The following SUPT3H variants were observed in gnomAD, a reference collection of about 807,000 sequenced individuals.
The protein encoded by SUPT3H is SPT3 homolog, SAGA and STAGA complex component, also known as transcription initiation protein SPT3 homolog.
SUPT3H carries 44 observed loss-of-function variants against 44.3 expected under a neutral mutation model. The observed-to-expected ratio is 0.99, with a 90% CI of 0.78 to 1.28. The LOEUF is 1.28. Ranked by LOEUF, SUPT3H falls within the 50% of genes most tolerant of loss-of-function variation. The probability of loss-of-function intolerance (pLI) is 0.00; values close to 1 mark genes in which losing one functional copy is unlikely to be tolerated. For missense variants in SUPT3H, 380 were observed against 387.1 expected (o/e 0.98, Z 0.15); for synonymous variants, 124 against 125.6 (o/e 0.99, Z 0.09).
At chr6:45,145,634 A>G (rs1805926881) in intron 2 of SUPT3H, among the ~76,000 whole-genome samples, 1 of 152,000 alleles carries the variant, frequency 6.6e-6, no homozygotes, top group Non-Finnish European at 1.5e-5. Context: ...CAAAAACCCA[A>G]AAGCAAATGC....
intron 5 of SUPT3H, among the ~76,000 whole-genome samples, chr6:45,010,638 G>A (rs796495384): frequency 3.3e-5 from 5 of 152,254 alleles, no homozygotes; most frequent in African/African-American, 1.2e-4. Context: ...GCTTACAGAT[G>A]ACATGATCTT....
At chr6:44,987,608 A>T (rs80045222) in intron 6 of SUPT3H, among the ~76,000 whole-genome samples, 159 of 152,284 alleles carry the variant, frequency 1.0e-3, no homozygotes, top group Admixed American at 1.7e-3. Flanking sequence ...GGTTCTAAAG[A>T]GAATGGAAGG....
At chr6:45,055,846 C>T (rs1791030885) in intron 3 of SUPT3H, among the ~76,000 whole-genome samples, 1 of 152,082 alleles carries the variant, frequency 6.6e-6, no homozygotes, top group African/African-American at 2.4e-5. Context: ...AGCCAAAAAG[C>T]TTCTGCACAG....
intron 2 of SUPT3H, among the ~76,000 whole-genome samples, chr6:45,116,700 G>C (rs1357701654): frequency 1.3e-5 from 2 of 152,132 alleles, no homozygotes; most frequent in Non-Finnish European, 2.9e-5. Context: ...TTGCTAAACA[G>C]CATCTGTTTT....
intron 2 of SUPT3H, among the ~76,000 whole-genome samples, chr6:45,123,418 G>A (rs763981054): frequency 1.3e-5 from 2 of 148,468 alleles, no homozygotes; most frequent in Non-Finnish European, 3.0e-5. Context: ...TTGTCACCCA[G>A]ACTGGAGTGC....
chr6:44,818,437 G>A (rs1767054328), intron 11 of SUPT3H, among the ~76,000 whole-genome samples: 1 of 151,988 alleles, frequency 6.6e-6, no homozygotes, highest in African/African-American at 2.4e-5. Context: ...AAGACATACA[G>A]TATAAGCCAT....
chr6:45,097,185 T>G (rs1797905698), intron 3 of SUPT3H, among the ~76,000 whole-genome samples: 1 of 152,222 alleles, frequency 6.6e-6, no homozygotes, highest in African/African-American at 2.4e-5. Context: ...GGTAGGGATC[T>G]CAGAGCCCCA....
intron 2 of SUPT3H, among the ~76,000 whole-genome samples, chr6:45,108,992 T>C (rs1346402213): frequency 6.6e-6 from 1 of 152,058 alleles, no homozygotes; most frequent in African/African-American, 2.4e-5. Context: ...AAGATCAATC[T>C]ACAAAAAATC....
Position 44,922,817 on chromosome 6 carries a change from C to A in SUPT3H, c.912+9836G>T, listed in dbSNP as rs572736959. ...TCATAGACTTTAAAGAAGTTTCTTGCCATTTTTACAGCACAATTTTAAAAT... is the reference window on the plus strand; with the variant it reads ...TCATAGACTTTAAAGAAGTTTCTTGACATTTTTACAGCACAATTTTAAAAT... On this transcript the variant is annotated intron_variant, in intron 10 of 10. Coordinates refer to ENST00000371459, the MANE Select transcript of SUPT3H (RefSeq NM_003599.4). Among the ~76,000 whole-genome samples, 9 of 152,134 alleles carry A rather than the reference C, an allele frequency of 5.9e-5. No homozygotes were observed. In the East Asian group the frequency reaches 1.5e-3, roughly 26 times the overall value.
At chr6:45,308,313 G>C (rs1783414691) in intron 2 of SUPT3H, among the ~76,000 whole-genome samples, 1 of 152,122 alleles carries the variant, frequency 6.6e-6, no homozygotes, top group African/African-American at 2.4e-5. Context: ...CACCTAAGTT[G>C]AAATGAAGGA....
At chr6:45,028,414 G>A (rs143899243) in intron 3 of SUPT3H, among the ~76,000 whole-genome samples, 22 of 150,828 alleles carry the variant, frequency 1.5e-4, no homozygotes, top group African/African-American at 5.4e-4. Flanking sequence ...TTTTCCTCAG[G>A]TCTATTAAGC....
chr6:45,137,865 T>C lies in SUPT3H; in HGVS notation c.102-31859A>G, dbSNP rs184502580. Among the ~76,000 whole-genome samples the C allele has an allele frequency of 2.6e-3, 401 of 151,884 alleles. 1 individual carries two copies. Among genetic ancestry groups the C allele is most frequent in the Non-Finnish European group, 4.1e-3 (279 of 67,866 alleles). On this transcript the variant is annotated intron_variant, in intron 2 of 10. Transcript: ENST00000371459. ...TGCAATAAGTGACAAAATTGACAAA[T>C]TGAACTTAATTAAAATGAAAAACTT...
intron 2 of SUPT3H, among the ~76,000 whole-genome samples, chr6:45,294,806 C>T (rs1174995230): frequency 8.2e-6 from 1 of 122,516 alleles, no homozygotes; most frequent in Non-Finnish European, 1.7e-5. Context: ...AAGACCTCTA[C>T]AAGGGAAACT....
At chr6:45,312,405 C>T (rs62400316) in intron 2 of SUPT3H, among the ~76,000 whole-genome samples, 8,499 of 151,568 alleles carry the variant, frequency 0.056, 305 homozygotes, top group Non-Finnish European at 0.086. Flanking sequence ...GTCCCAGCTA[C>T]TCAGGAAGCT....
intron 2 of SUPT3H, among the ~76,000 whole-genome samples, chr6:45,358,234 A>G (rs1489052434): frequency 1.3e-5 from 2 of 152,212 alleles, no homozygotes; most frequent in African/African-American, 2.4e-5. Flanking sequence ...ATTTGTATTT[A>G]CTATATTTCT....
chr6:45,201,556 A>C (rs961210834), intron 2 of SUPT3H, among the ~76,000 whole-genome samples: 33 of 151,852 alleles, frequency 2.2e-4, no homozygotes, highest in Non-Finnish European at 4.6e-4. Flanking sequence ...AAAAAACATA[A>C]TCGGAATAAT....
intron 2 of SUPT3H, among the ~76,000 whole-genome samples, chr6:45,347,445 C>A (rs1791114762): frequency 6.6e-6 from 1 of 152,054 alleles, no homozygotes; most frequent in Admixed American, 6.6e-5. Flanking sequence ...ATCACTATGG[C>A]ACATAATGAA....
intron 2 of SUPT3H, among the ~76,000 whole-genome samples, chr6:45,126,699 A>T (rs566960760): frequency 6.6e-6 from 1 of 152,322 alleles, no homozygotes; most frequent in East Asian, 1.9e-4. Flanking sequence ...CTAAGGGAGA[A>T]GCCTGGAATT....
intron 10 of SUPT3H, among the ~76,000 whole-genome samples, chr6:44,899,645 C>A (rs955216027): frequency 3.3e-5 from 5 of 152,160 alleles, no homozygotes; most frequent in Admixed American, 3.3e-4. Context: ...TGAGACCATG[C>A]CACTGCGCTC....
Sources: gnomAD v4.1 joint callset for allele counts (sites outside exome capture counted in the v4.1 genomes callset) on GRCh38, gnomAD v4.1.1 for gene constraint, MANE v1.5 for transcripts, NCBI Gene and HGNC (gene_info 2026-07-23, HGNC 2026-07-21) for gene names.